RNF150: variants seen among roughly 807,000 people sequenced by gnomAD.
RNF150 encodes the protein ring finger protein 150.
In RNF150, 24 loss-of-function variants were observed where a neutral mutation model predicts 39.3. That is an observed-to-expected ratio of 0.61 (90% CI 0.44 to 0.86). The LOEUF (loss-of-function observed/expected upper bound fraction) is 0.86, where lower values mean the gene tolerates loss of function less well. Among genes scored for constraint, RNF150 ranks in the 40% least tolerant of loss-of-function variants. RNF150 has a pLI of 0.00. For missense variants in RNF150, 502 were observed against 587.8 expected, an observed-to-expected ratio of 0.85 and a Z score of 1.51; for synonymous variants, 255 against 227.3, an observed-to-expected ratio of 1.12 and a Z score of -1.10.
intron 1 of RNF150, among the ~76,000 whole-genome samples, chr4:141,078,340 T>C (rs544170803): frequency 1.3e-5 from 2 of 152,232 alleles, no homozygotes; most frequent in East Asian, 3.9e-4. Context: ...GACTGAGCAA[T>C]TTTGAAACGG....
intron 5 of RNF150, among the ~76,000 whole-genome samples, chr4:140,923,475 G>A (rs1490315377): frequency 5.3e-5 from 8 of 152,092 alleles, no homozygotes; most frequent in Non-Finnish European, 8.8e-5. Context: ...GAAACAACAG[G>A]TGCTGGAGAG....
chr4:140,948,939 A>G (rs986652003), intron 3 of RNF150, among the ~76,000 whole-genome samples: 1 of 152,234 alleles, frequency 6.6e-6, no homozygotes, highest in Non-Finnish European at 1.5e-5. Flanking sequence ...TTCATTAAAT[A>G]TTACCTGAAT....
At position 141,200,919 on chromosome 4, in the gene RNF150, C is replaced by T. The variant is rs1476290305; in HGVS notation, c.-6+11875G>A. Among the ~76,000 whole-genome samples the T allele has an allele frequency of 2.6e-5, 4 of 152,106 alleles. No homozygotes were observed. In the East Asian group the frequency reaches 7.7e-4, roughly 29 times the overall value. ...CAGTACCATATGTATTGGGAATTCC[C>T]AATAAATCAGATCTATTTTACTAGT... On this transcript the variant is annotated intron_variant, in intron 1 of 7. Coordinates refer to the RNF150 transcript ENST00000420921.
chr4:141,156,992 T>C (rs1398538497), intron 1 of RNF150, among the ~76,000 whole-genome samples: 4 of 152,170 alleles, frequency 2.6e-5, no homozygotes, highest in African/African-American at 9.7e-5. Context: ...CAACACCTTG[T>C]GGTGAATATG....
chr4:140,976,472 C>A (rs1429491189), intron 1 of RNF150, among the ~76,000 whole-genome samples: 6 of 151,966 alleles, frequency 3.9e-5, no homozygotes, highest in Non-Finnish European at 5.9e-5. Context: ...CCTTTCCTCC[C>A]TGTTGACCTT....
intron 1 of RNF150, among the ~76,000 whole-genome samples, chr4:141,038,497 C>G (rs1171283257): frequency 6.6e-6 from 1 of 152,010 alleles, no homozygotes; most frequent in Non-Finnish European, 1.5e-5. Flanking sequence ...CGAGATCAGC[C>G]TGGGGCAACA....
At chr4:141,147,889 C>T (rs1189605674) in intron 1 of RNF150, among the ~76,000 whole-genome samples, 1 of 152,178 alleles carries the variant, frequency 6.6e-6, no homozygotes, top group African/African-American at 2.4e-5. Flanking sequence ...AAATCATCTA[C>T]TCAGAAATAT....
intron 1 of RNF150, among the ~76,000 whole-genome samples, chr4:141,140,613 C>T (rs555139311): frequency 3.9e-5 from 6 of 151,990 alleles, no homozygotes; most frequent in Non-Finnish European, 8.8e-5. Context: ...TTTGAAAGAT[C>T]ATCTTGTCCT....
chr4:140,960,035 C>T (rs2111402596), intron 2 of RNF150, among the ~76,000 whole-genome samples: 1 of 152,216 alleles, frequency 6.6e-6, no homozygotes, highest in East Asian at 1.9e-4. Flanking sequence ...ACATACACAT[C>T]AAAATACCTA....
chr4:141,059,192 C>A (rs1737112931), intron 1 of RNF150, among the ~76,000 whole-genome samples: 1 of 152,166 alleles, frequency 6.6e-6, no homozygotes, highest in African/African-American at 2.4e-5. Flanking sequence ...TCCTTCTCAG[C>A]AGTCCTTTTC....
chr4:141,003,616 C>A (rs1335961312), intron 1 of RNF150, among the ~76,000 whole-genome samples: 1 of 151,118 alleles, frequency 6.6e-6, no homozygotes, highest in Non-Finnish European at 1.5e-5. Flanking sequence ...CACGTGTGCA[C>A]ACTCTGTTCT....
At chr4:141,203,349 T>C (rs1315656052) in intron 1 of RNF150, among the ~76,000 whole-genome samples, 1 of 151,120 alleles carries the variant, frequency 6.6e-6, no homozygotes, top group Admixed American at 6.6e-5. Flanking sequence ...CTTGGAGATA[T>C]ATAATCTTGG....
At chr4:140,874,780 C>A (rs1729084302) in intron 6 of RNF150, among the ~76,000 whole-genome samples, 1 of 152,150 alleles carries the variant, frequency 6.6e-6, no homozygotes, top group Admixed American at 6.5e-5. Flanking sequence ...CCTGTGCAGC[C>A]TCTATCTTGA....
rs529134955 is a variant in RNF150 at position 141,041,382 on chromosome 4, G to A, written c.485-73509C>T. On this transcript the variant is annotated intron_variant, in intron 1 of 6. Transcript: ENST00000515673. ...TGGGGGTCAGAAGAGGACAAAAGGG[G>A]AAGAGAATGCCATAGGATGGCAGAA... 3.3e-5 allele frequency among the ~76,000 whole-genome samples: 5 copies of A among 152,222 alleles called. No homozygotes were observed. In the South Asian group the frequency reaches 1.0e-3, roughly 32 times the overall value.
intron 1 of RNF150, among the ~76,000 whole-genome samples, chr4:141,046,183 T>C (rs1451092810): frequency 1.3e-5 from 2 of 152,156 alleles, no homozygotes; most frequent in Admixed American, 1.3e-4. Flanking sequence ...CAAAAGGTAG[T>C]CAAATACAAG....
chr4:141,002,732 C>T (rs963028877), intron 1 of RNF150, among the ~76,000 whole-genome samples: 5 of 152,146 alleles, frequency 3.3e-5, no homozygotes, highest in Admixed American at 2.0e-4. Flanking sequence ...GCAGAAGTGA[C>T]GAGCTGCAGG....
chr4:140,912,313 AGGT>A (rs1730637239), intron 5 of RNF150, among the ~76,000 whole-genome samples: 1 of 152,206 alleles, frequency 6.6e-6, no homozygotes, highest in Admixed American at 6.5e-5. Flanking sequence ...ATTTTCTAAA[AGGT>A]GGTGGTGGAG....
At chr4:140,882,183 C>A (rs988749711) in intron 6 of RNF150, among the ~76,000 whole-genome samples, 2 of 152,032 alleles carry the variant, frequency 1.3e-5, no homozygotes, top group Non-Finnish European at 1.5e-5. Context: ...CTACGCCCGG[C>A]TAATTTTTTG....
intron 1 of RNF150, among the ~76,000 whole-genome samples, chr4:140,998,021 TCA>T (rs779592222): frequency 1.3e-5 from 2 of 152,162 alleles, no homozygotes; most frequent in Non-Finnish European, 2.9e-5. Flanking sequence ...CCCAATGCTT[TCA>T]CAGACTCCAG....
Sources: gnomAD v4.1 joint callset for allele counts (sites outside exome capture counted in the v4.1 genomes callset) on GRCh38, gnomAD v4.1.1 for gene constraint, MANE v1.5 for transcripts, NCBI Gene and HGNC (gene_info 2026-07-23, HGNC 2026-07-21) for gene names.